The following ZBTB49 variants were observed in gnomAD, a reference collection of about 807,000 sequenced individuals.
ZBTB49 encodes zinc finger and BTB domain containing 49, also known as zinc finger and BTB domain-containing protein 49.
Under a neutral mutation model 57.5 loss-of-function variants are expected in ZBTB49, and 43 were observed. The ratio of observed to expected loss-of-function variants is 0.75; its 90% CI spans 0.59 to 0.97. ZBTB49 has a LOEUF of 0.97. ZBTB49 is among the 50% of genes least tolerant of loss of function. The pLI is 0.00. For synonymous variants in ZBTB49, 369 were observed against 362.1 expected (o/e 1.02, Z -0.22); for missense variants, 938 against 947.7 (o/e 0.99, Z 0.13).
At chr4:4,320,413 G>A (rs1053165469) in intron 7 of ZBTB49, among the ~76,000 whole-genome samples, 4 of 151,798 alleles carry the variant, frequency 2.6e-5, no homozygotes, top group African/African-American at 9.7e-5. Context: ...AATCCTTCCA[G>A]AATGGCCACT....
intron 4 of ZBTB49, 151 bp from the exon 5 acceptor site, chr4:4,312,890 C>T: frequency 1.2e-6 from 1 of 810,406 alleles, no homozygotes; most frequent in Non-Finnish European, 1.9e-6. Flanking sequence ...CGCTCTTGCC[C>T]ATGGCTTCTT....
chr4:4,296,474 T>G (rs1373415625), intron 1 of ZBTB49, among the ~76,000 whole-genome samples: 2 of 152,210 alleles, frequency 1.3e-5, no homozygotes, highest in Non-Finnish European at 1.5e-5. Flanking sequence ...GGAGTTTCCC[T>G]GCACAAGCGC....
At position 4,321,584 on chromosome 4, in the gene ZBTB49, G is replaced by A. The variant is rs570349966; in HGVS notation, c.*268G>A. 7.8e-6 allele frequency: 4 copies of A among 510,892 alleles called. No individual in the cohort carries two copies. The highest frequency in any genetic ancestry group is 3.8e-5 in the African/African-American group (2 of 52,118). The allele number at this position is 510,892 out of a possible 1,614,324, so 31.6% of individuals were successfully genotyped here. A position where few individuals can be genotyped will look rare whatever the true frequency, so the allele number is the denominator to read the frequency against. Reference sequence around the variant, plus strand: ...ATGCTGTCTCAGCAGCCTCAGCTGTGGGGGGGAAGCGCGTGTGCATCGTGT... The same window carrying A: ...ATGCTGTCTCAGCAGCCTCAGCTGTAGGGGGGAAGCGCGTGTGCATCGTGT... On this transcript the variant is annotated 3_prime_UTR_variant, in exon 8 of 8. Coordinates refer to ENST00000337872, the MANE Select transcript of ZBTB49 (RefSeq NM_145291.4).
Position 4,302,466 on chromosome 4 carries a change from A to G in ZBTB49, c.630A>G (p.Pro210=). 1.2e-6 allele frequency: 2 copies of G among 1,614,218 alleles called. No individual in the cohort carries two copies. Among genetic ancestry groups the G allele is most frequent in the Non-Finnish European group, 1.7e-6 (2 of 1,180,032 alleles). Residue 210 remains proline (P), a synonymous_variant, in exon 3 of 8, where the codon CCA becomes CCG. Transcript: ENST00000337872. The part of the protein sequence containing the change: ...GSCTELPFKQ[P]NYYYKLRNFY... ...GCACAGAACTGCCTTTCAAACAGCCAAATTACTATTACAAACTCAGAAACT... is the reference window on the plus strand; with the variant it reads ...GCACAGAACTGCCTTTCAAACAGCCGAATTACTATTACAAACTCAGAAACT...
intron 4 of ZBTB49, among the ~76,000 whole-genome samples, chr4:4,309,894 A>T (rs1411634483): frequency 6.6e-6 from 1 of 152,128 alleles, no homozygotes; most frequent in Non-Finnish European, 1.5e-5. Context: ...TCTATGTTAA[A>T]CCTTACATTT....
chr4:4,292,963 T>C (rs1428154377), intron 1 of ZBTB49, among the ~76,000 whole-genome samples: 1 of 152,220 alleles, frequency 6.6e-6, no homozygotes, highest in African/African-American at 2.4e-5. Flanking sequence ...CCCCATATTT[T>C]CATTTTTTGA....
intron 1 of ZBTB49, among the ~76,000 whole-genome samples, chr4:4,297,036 A>G (rs1577230352): frequency 6.6e-6 from 1 of 152,282 alleles, no homozygotes; most frequent in East Asian, 1.9e-4. Flanking sequence ...ATGGTTATCA[A>G]GTTATACATC....
intron 1 of ZBTB49, among the ~76,000 whole-genome samples, chr4:4,293,797 C>CCACCTTAGAGCTA (rs1720057123): frequency 1.3e-5 from 2 of 152,258 alleles, no homozygotes; most frequent in Non-Finnish European, 2.9e-5. Flanking sequence ...GGGCATCTTA[C>CCACCTTAGAGCTA]AGGTGGCTCA....
intron 3 of ZBTB49, among the ~76,000 whole-genome samples, chr4:4,305,092 C>T (rs1057329825): frequency 2.0e-5 from 3 of 151,692 alleles, no homozygotes; most frequent in Admixed American, 6.6e-5. Context: ...TATCTGTCAC[C>T]CCCAATAATT....
chr4:4,311,758 T>A (rs1720988995), intron 4 of ZBTB49, among the ~76,000 whole-genome samples: 1 of 152,248 alleles, frequency 6.6e-6, no homozygotes, highest in African/African-American at 2.4e-5. Flanking sequence ...AGCCATTCTA[T>A]TAAAAGCTGG....
At chr4:4,320,297 A>G (rs1459567095) in intron 7 of ZBTB49, among the ~76,000 whole-genome samples, 1 of 152,146 alleles carries the variant, frequency 6.6e-6, no homozygotes, top group African/African-American at 2.4e-5. Context: ...GCAGCTGGAG[A>G]AGCACCTCCC....
At chr4:4,305,741 A>T (rs1720706391) in intron 3 of ZBTB49, among the ~76,000 whole-genome samples, 1 of 152,168 alleles carries the variant, frequency 6.6e-6, no homozygotes, top group African/African-American at 2.4e-5. Flanking sequence ...GTGTGGTGTG[A>T]ACCAGTGACC....
At position 4,321,155 on chromosome 4, in the gene ZBTB49, C is replaced by T. The variant is rs377711305; in HGVS notation, c.2137C>T (p.Arg713Cys). The change falls in exon 8 of 8, where the codon CGT (arginine) becomes TGT (cysteine). Residue 713 changes from arginine to cysteine, a missense_variant. By Grantham distance (180) the Arg-to-Cys change is radical. This residue lies in a region of ZBTB49 where 835 missense variants were observed against 819.1 expected (regional missense o/e 1.02). Coordinates refer to ENST00000337872, the MANE Select transcript of ZBTB49 (RefSeq NM_145291.4). Reference sequence around the variant, plus strand: ...GCAGGCCGATGGCATGGCCATGATCCGTTCCTCTCTGGCTGCTTTGGACAA... The same window carrying T: ...GCAGGCCGATGGCATGGCCATGATCTGTTCCTCTCTGGCTGCTTTGGACAA... Reference protein sequence around the residue: ...PLQADGMAMIRSSLAALDNHG... With the variant: ...PLQADGMAMICSSLAALDNHG... The T allele has an allele frequency of 2.8e-5, 46 of 1,614,200 alleles. 1 individual carries two copies. The highest frequency in any genetic ancestry group is 1.8e-4 in the South Asian group (16 of 91,084).
rs555332799 is a variant in ZBTB49 at position 4,321,523 on chromosome 4, G to A, written c.*207G>A. On this transcript the variant is annotated 3_prime_UTR_variant, in exon 8 of 8. Coordinates refer to ENST00000337872, the MANE Select transcript of ZBTB49 (RefSeq NM_145291.4). ...TGCTGGCTCACCGTGAGGCAGCCGCGGGAGGGAGCGCTGACGTCACAGAAG... is the reference window on the plus strand; with the variant it reads ...TGCTGGCTCACCGTGAGGCAGCCGCAGGAGGGAGCGCTGACGTCACAGAAG... The A allele has an allele frequency of 1.8e-5, 11 of 605,644 alleles. No individual in the cohort carries two copies. The highest frequency in any genetic ancestry group is 4.2e-5 in the South Asian group (2 of 47,390). The allele number at this position is 605,644 out of a possible 1,614,324, so 37.5% of individuals were successfully genotyped here. A position where few individuals can be genotyped will look rare whatever the true frequency, so the allele number is the denominator to read the frequency against.
intron 3 of ZBTB49, among the ~76,000 whole-genome samples, chr4:4,303,770 G>GTGTGTGTGTGTGTC (rs377326067): frequency 1.6e-4 from 4 of 25,258 alleles, no homozygotes; most frequent in African/African-American, 3.1e-4. Flanking sequence ...CTGTGTGTGT[G>GTGTGTGTGTGTGTC]TCTCTCTCTC....
At position 4,315,729 on chromosome 4, in the gene ZBTB49, G is replaced by A. The variant is rs1210176388; in HGVS notation, c.1459+11G>A. The A allele has an allele frequency of 6.2e-7, 1 of 1,612,486 alleles. No individual in the cohort carries two copies. Among genetic ancestry groups the A allele is most frequent in the Non-Finnish European group, 8.5e-7 (1 of 1,179,976 alleles). The stretch of plus-strand genomic sequence containing the variant: ...ACATCTGTGGTCGAGGTACAGCTGA[G>A]TGTTTTCCTATTCTTCTTGAAGATT... On this transcript the variant is annotated intron_variant, in intron 6 of 7. Coordinates refer to ENST00000337872, the MANE Select transcript of ZBTB49 (RefSeq NM_145291.4).
At chr4:4,295,323 C>G (rs1192902734) in intron 1 of ZBTB49, among the ~76,000 whole-genome samples, 1 of 152,062 alleles carries the variant, frequency 6.6e-6, no homozygotes, top group Non-Finnish European at 1.5e-5. Context: ...CAGGGACTGC[C>G]AAACATTTTT....
chr4:4,317,976 G>A (rs1278914075), intron 7 of ZBTB49, among the ~76,000 whole-genome samples: 2 of 152,208 alleles, frequency 1.3e-5, no homozygotes, highest in Admixed American at 6.5e-5. Context: ...CCTGCTGATT[G>A]AGAGCAGCTC....
intron 1 of ZBTB49, among the ~76,000 whole-genome samples, chr4:4,295,827 T>C (rs534193668): frequency 1.3e-5 from 2 of 152,154 alleles, no homozygotes; most frequent in African/African-American, 2.4e-5. Flanking sequence ...CATAAAGAGA[T>C]GAGGGGAATC....
Sources: gnomAD v4.1 joint callset for allele counts (sites outside exome capture counted in the v4.1 genomes callset) on GRCh38, gnomAD v4.1.1 for gene constraint, gnomAD v4.1.1 regional missense constraint, MANE v1.5 for transcripts, NCBI Gene and HGNC (gene_info 2026-07-23, HGNC 2026-07-21) for gene names.